UGT1A10: variants seen among roughly 807,000 people sequenced by gnomAD.
The protein encoded by UGT1A10 is UDP glucuronosyltransferase family 1 member A10, also known as UDP-glucuronosyltransferase 1A10.
Under a neutral mutation model 45.8 loss-of-function variants are expected in UGT1A10, and 49 were observed. The observed-to-expected ratio is 1.07, with a 90% CI of 0.85 to 1.36. The LOEUF (loss-of-function observed/expected upper bound fraction) is 1.36, where lower values mean the gene tolerates loss of function less well. Ranked by LOEUF, UGT1A10 falls within the 40% of genes most tolerant of loss-of-function variation. The pLI is 0.00. For synonymous variants in UGT1A10, 284 were observed against 249.7 expected (o/e 1.14, Z -1.29); for missense variants, 745 against 668.6 (o/e 1.11, Z -1.26).
At chr2:233,743,755 C>T in intron 1 of UGT1A10, 1 of 1,367,374 alleles carries the variant, frequency 7.3e-7, no homozygotes, top group Non-Finnish European at 9.8e-7. Context: ...CCGACAACAC[C>T]TCGTAGGCCT....
chr2:233,719,393 C>T (rs759794462), intron 1 of UGT1A10: 2 of 1,613,946 alleles, frequency 1.2e-6, no homozygotes, highest in Non-Finnish European at 1.7e-6. Context: ...CAAATCCTTC[C>T]TCCTATATTC....
chr2:233,690,660 A>T, intron 1 of UGT1A10: 1 of 1,280,446 alleles, frequency 7.8e-7, no homozygotes, highest in Non-Finnish European at 1.0e-6. Context: ...TACAGCACCA[A>T]CCAGGGCAGG....
chr2:233,748,008 C>T (rs1238805175), intron 1 of UGT1A10: 21 of 1,613,360 alleles, frequency 1.3e-5, no homozygotes, highest in Non-Finnish European at 1.8e-5. Context: ...GATGGATTAC[C>T]CCAGGCCGAT....
intron 1 of UGT1A10, among the ~76,000 whole-genome samples, chr2:233,643,227 A>G (rs528322254): frequency 6.6e-6 from 1 of 152,270 alleles, no homozygotes; most frequent in South Asian, 2.1e-4. Context: ...TCCACCTGGT[A>G]TTTTATTGTA....
intron 1 of UGT1A10, chr2:233,754,900 C>A (rs900398132): frequency 7.4e-7 from 1 of 1,352,224 alleles, no homozygotes; most frequent in African/African-American, 1.5e-5. Flanking sequence ...CTCTGACCCC[C>A]CAAAATATTC....
At chr2:233,648,791 T>A in intron 1 of UGT1A10, 2 of 895,394 alleles carry the variant, frequency 2.2e-6, no homozygotes, top group Non-Finnish European at 1.7e-6. Context: ...AAGGAGAGAG[T>A]AAGGAACCAC....
At chr2:233,724,144 C>T (rs2077176143) in intron 1 of UGT1A10, among the ~76,000 whole-genome samples, 1 of 124,228 alleles carries the variant, frequency 8.0e-6, no homozygotes, top group African/African-American at 3.6e-5. Flanking sequence ...GACGGGGCGG[C>T]TGGCCGGGTG....
rs34642976 is a variant in UGT1A10 at position 233,765,194 on chromosome 2, T to A, written c.856-1840T>A. Among the ~76,000 whole-genome samples, 4 of 152,300 alleles carry A rather than the reference T, an allele frequency of 2.6e-5. No homozygotes were observed. The East Asian group carries it at 7.7e-4, about 29-fold the overall frequency. On this transcript the variant is annotated intron_variant, in intron 1 of 4. Transcript: ENST00000344644. ...CAAGCCCTGCCACATCACACAATCA[T>A]ATTAGTGCCCTCAGTATTCTTTGCA...
chr2:233,761,493 C>T (rs34652311), intron 1 of UGT1A10, among the ~76,000 whole-genome samples: 4,469 of 152,304 alleles, frequency 0.029, 206 homozygotes, highest in African/African-American at 0.1. Flanking sequence ...TGCACCTTGC[C>T]CTGGATTCAG....
At chr2:233,712,570 G>T (rs2125629003) in intron 1 of UGT1A10, among the ~76,000 whole-genome samples, 1 of 152,240 alleles carries the variant, frequency 6.6e-6, no homozygotes, top group South Asian at 2.1e-4. Flanking sequence ...TAGCAAATAG[G>T]GTCACATCCA....
rs1355599661 is a variant in UGT1A10, at chr2:233,766,653, G to C, written c.856-381G>C. Among the ~76,000 whole-genome samples the C allele has an allele frequency of 2.6e-5, 4 of 152,090 alleles. No individual in the cohort carries two copies. In the East Asian group the frequency reaches 7.7e-4, roughly 29 times the overall value. On this transcript the variant is annotated intron_variant, in intron 1 of 4. Transcript: ENST00000344644. ...TCCCTACTTCCATATCATTTAAAGG[G>C]ACCACGCCCTTCCCAGCTCTTCCCT...
At chr2:233,760,733 T>G in intron 1 of UGT1A10, 1 of 1,614,214 alleles carries the variant, frequency 6.2e-7, no homozygotes, top group South Asian at 1.1e-5. Context: ...GATGTCATGC[T>G]GACGGACCCT....
chr2:233,729,525 T>C (rs763371606), intron 1 of UGT1A10: 3 of 1,614,216 alleles, frequency 1.9e-6, no homozygotes, highest in Non-Finnish European at 2.5e-6. Context: ...AGCTACTACA[T>C]AATGAGGCCC....
At chr2:233,704,669 C>T (rs2075802744) in intron 1 of UGT1A10, among the ~76,000 whole-genome samples, 1 of 152,008 alleles carries the variant, frequency 6.6e-6, no homozygotes, top group Admixed American at 6.6e-5. Flanking sequence ...TTCCTTTGTT[C>T]TTATGGATCT....
intron 1 of UGT1A10, among the ~76,000 whole-genome samples, chr2:233,709,998 CAATTA>C (rs2076103213): frequency 3.3e-5 from 5 of 152,170 alleles, no homozygotes; most frequent in African/African-American, 9.7e-5. Context: ...TGGAATCATA[CAATTA>C]TGAATGAAAA....
At chr2:233,755,683 G>C (rs1398080072) in intron 1 of UGT1A10, 1 of 157,220 alleles carries the variant, frequency 6.4e-6, no homozygotes, top group Non-Finnish European at 1.4e-5. Context: ...AGTGAGTTTA[G>C]TCTGACCGGG....
chr2:233,637,465 T>C (rs2073327994), intron 1 of UGT1A10, 88 bp downstream of exon 1: 1 of 1,504,430 alleles, frequency 6.6e-7, no homozygotes, highest in African/African-American at 1.4e-5. Flanking sequence ...TTTGACATTT[T>C]CGTTTGTTGC....
chr2:233,707,323 G>A (rs1469096333), intron 1 of UGT1A10, among the ~76,000 whole-genome samples: 1 of 152,126 alleles, frequency 6.6e-6, no homozygotes, highest in African/African-American at 2.4e-5. Flanking sequence ...AGCTAAACAT[G>A]TGCCATGGTG....
intron 1 of UGT1A10, among the ~76,000 whole-genome samples, chr2:233,714,879 A>C (rs1355340446): frequency 7.1e-6 from 1 of 141,030 alleles, no homozygotes; most frequent in African/African-American, 2.6e-5. Flanking sequence ...CTATCTTTTA[A>C]ATTTTTCTAT....
Sources: allele counts gnomAD v4.1 joint callset (sites outside exome capture counted in the v4.1 genomes callset), GRCh38; gene constraint gnomAD v4.1.1; transcripts MANE v1.5; gene names NCBI Gene and HGNC (gene_info 2026-07-23, HGNC 2026-07-21).